ZBBX: variants seen among roughly 807,000 people sequenced by gnomAD.
ZBBX encodes zinc finger B-box domain-containing protein 1.
Under a neutral mutation model 108.5 loss-of-function variants are expected in ZBBX, and 101 were observed. The ratio of observed to expected loss-of-function variants is 0.93; its 90% CI spans 0.79 to 1.10. The LOEUF (loss-of-function observed/expected upper bound fraction) is 1.10, where lower values mean the gene tolerates loss of function less well. Ranked by LOEUF, ZBBX falls within the 50% of genes least tolerant of loss-of-function variation. ZBBX has a pLI of 0.00. For synonymous variants in ZBBX, 356 were observed against 323.4 expected (o/e 1.10, Z -1.08); for missense variants, 1,009 against 941.4 (o/e 1.07, Z -0.94).
At chr3:167,238,274 T>G (rs937926624), downstream of ZBBX, among the ~76,000 whole-genome samples, 8 of 152,178 alleles carry the variant, frequency 5.3e-5, no homozygotes, top group African/African-American at 1.9e-4. Context: ...GACTCACTGT[T>G]GTCTGTCTAT....
chr3:167,236,390 C>A (rs547991895), downstream of ZBBX, among the ~76,000 whole-genome samples: 1 of 151,744 alleles, frequency 6.6e-6, no homozygotes, highest in Admixed American at 6.6e-5. Flanking sequence ...AAGATTACAG[C>A]ATAAGCTCAT....
chr3:167,213,075 C>T, the ZBBX span, among the ~76,000 whole-genome samples: 19 of 152,142 alleles, frequency 1.2e-4, no homozygotes, highest in East Asian at 9.6e-4. Flanking sequence ...AAGGAAAACC[C>T]ACACACAGGG....
chr3:167,203,484 C>G, the ZBBX span, among the ~76,000 whole-genome samples: 37 of 151,998 alleles, frequency 2.4e-4, no homozygotes, highest in Middle Eastern at 3.4e-3. Context: ...TGTATGTGTA[C>G]GTATGCTAAG....
intron 10 of ZBBX, among the ~76,000 whole-genome samples, chr3:167,328,880 C>T (rs1040894819): frequency 6.6e-6 from 1 of 152,140 alleles, no homozygotes; most frequent in Non-Finnish European, 1.5e-5. Flanking sequence ...TTTAATAATT[C>T]CTTAACTGTT....
chr3:167,201,688 C>T, the ZBBX span, among the ~76,000 whole-genome samples: 1 of 152,006 alleles, frequency 6.6e-6, no homozygotes, highest in Admixed American at 6.6e-5. Flanking sequence ...CTAAAAATAA[C>T]AGGGTGCGTC....
At chr3:167,331,893 C>T (rs1738695603) in intron 10 of ZBBX, among the ~76,000 whole-genome samples, 1 of 152,100 alleles carries the variant, frequency 6.6e-6, no homozygotes, top group Admixed American at 6.6e-5. Context: ...CAGGTTTCGG[C>T]TTATAAGATG....
the ZBBX span, among the ~76,000 whole-genome samples, chr3:167,210,839 AAGG>A: frequency 6.6e-6 from 1 of 152,236 alleles, no homozygotes; most frequent in South Asian, 2.1e-4. Context: ...TTCAAATATG[AAGG>A]AGAAATACTT....
At chr3:167,311,404 T>C (rs1482165201) in intron 16 of ZBBX, among the ~76,000 whole-genome samples, 1 of 152,084 alleles carries the variant, frequency 6.6e-6, no homozygotes, top group Non-Finnish European at 1.5e-5. Context: ...GACAATAACT[T>C]TCTAGATACA....
At chr3:167,264,137 T>C (rs1476048340) in intron 20 of ZBBX, among the ~76,000 whole-genome samples, 3 of 152,224 alleles carry the variant, frequency 2.0e-5, no homozygotes, top group Admixed American at 1.3e-4. Context: ...CAACACATCA[T>C]TGGGCTTTAT....
intron 11 of ZBBX, 78 bp from the exon 12 acceptor site, chr3:167,322,315 C>G (rs1360584368): frequency 8.0e-7 from 1 of 1,245,744 alleles, no homozygotes; most frequent in Non-Finnish European, 1.0e-6. Context: ...AGATGTAGAA[C>G]TCATCATTTT....
chr3:167,244,580 A>G (rs903395549), intron 20 of ZBBX, among the ~76,000 whole-genome samples: 1 of 152,228 alleles, frequency 6.6e-6, no homozygotes, highest in Non-Finnish European at 1.5e-5. Flanking sequence ...AGGTGATACC[A>G]CTTGATTTTA....
chr3:167,252,521 T>A, intron 20 of ZBBX, among the ~76,000 whole-genome samples: 1 of 151,792 alleles, frequency 6.6e-6, no homozygotes, highest in East Asian at 1.9e-4. Context: ...TGATATGTCA[T>A]CTTCTTCCTT....
At chr3:167,382,218 GGCAAA>G (rs151296798), upstream of ZBBX, among the ~76,000 whole-genome samples, 830 of 152,272 alleles carry the variant, frequency 5.5e-3, 5 homozygotes, top group African/African-American at 0.019. Context: ...GTTATGAAAA[GGCAAA>G]GCAGAGACAA....
chr3:167,213,381 C>A, the ZBBX span, among the ~76,000 whole-genome samples: 374 of 152,106 alleles, frequency 2.5e-3, 2 homozygotes, highest in African/African-American at 8.6e-3. Flanking sequence ...TAACACAATA[C>A]AAGAATTTCA....
chr3:167,307,904 G>T (rs1168428757), intron 16 of ZBBX, among the ~76,000 whole-genome samples: 1 of 152,078 alleles, frequency 6.6e-6, no homozygotes, highest in Non-Finnish European at 1.5e-5. Flanking sequence ...ATGGGTATAG[G>T]CAAAGATTTC....
chr3:167,193,447 C>G, the ZBBX span, among the ~76,000 whole-genome samples: 6 of 152,132 alleles, frequency 3.9e-5, no homozygotes, highest in African/African-American at 1.2e-4. Context: ...TTCATCCTGC[C>G]TCCCCTCTTT....
intron 8 of ZBBX, among the ~76,000 whole-genome samples, chr3:167,353,770 A>G (rs953975904): frequency 6.6e-6 from 1 of 152,070 alleles, no homozygotes. Context: ...AATGAAGAAG[A>G]GATAACAAAA....
At chr3:167,241,152 G>T (rs1720606947) in intron 21 of ZBBX, among the ~76,000 whole-genome samples, 1 of 152,096 alleles carries the variant, frequency 6.6e-6, no homozygotes, top group Non-Finnish European at 1.5e-5. Flanking sequence ...TAGAATCAAG[G>T]AGAGACTTTA....
chr3:167,247,945 T>C (rs886711449), intron 20 of ZBBX, among the ~76,000 whole-genome samples: 1 of 152,224 alleles, frequency 6.6e-6, no homozygotes, highest in Non-Finnish European at 1.5e-5. Flanking sequence ...AGACTTCGTA[T>C]CTTTTCTCTC....
Sources: allele counts gnomAD v4.1 joint callset (sites outside exome capture counted in the v4.1 genomes callset), GRCh38; gene constraint gnomAD v4.1.1; transcripts MANE v1.5; gene names NCBI Gene and HGNC (gene_info 2026-07-23, HGNC 2026-07-21).